The following OTUD7A variants were observed in gnomAD, a reference collection of about 807,000 sequenced individuals.
OTUD7A encodes the protein OTU deubiquitinase 7A, also known as OTU domain-containing protein 7A.
OTUD7A carries 12 observed loss-of-function variants against 65.7 expected under a neutral mutation model. The observed-to-expected ratio is 0.18, with a 90% CI of 0.12 to 0.30. The LOEUF is 0.30. Among genes scored for constraint, OTUD7A ranks in the 10% least tolerant of loss-of-function variants. The pLI is 1.00. For missense variants in OTUD7A, 1,148 were observed against 1,304.8 expected, an observed-to-expected ratio of 0.88 and a Z score of 1.85; for synonymous variants, 641 against 586.3, an observed-to-expected ratio of 1.09 and a Z score of -1.35.
At chr15:31,518,317 C>T (rs1031243182) in intron 8 of OTUD7A, among the ~76,000 whole-genome samples, 17 of 151,924 alleles carry the variant, frequency 1.1e-4, no homozygotes, top group African/African-American at 4.1e-4. Context: ...ACTAAAAATA[C>T]AAAAATTAGC....
chr15:31,749,768 G>A (rs1295505486), intron 1 of OTUD7A, among the ~76,000 whole-genome samples: 2 of 151,622 alleles, frequency 1.3e-5, no homozygotes, highest in African/African-American at 4.8e-5. Context: ...AAAGGAAGTC[G>A]AACTATCTCT....
intron 8 of OTUD7A, among the ~76,000 whole-genome samples, chr15:31,520,761 C>T (rs983608549): frequency 5.3e-5 from 8 of 152,156 alleles, no homozygotes; most frequent in African/African-American, 1.9e-4. Flanking sequence ...AGAACTACCA[C>T]TCAATCCAGC....
chr15:31,606,144 A>C (rs905922247), intron 3 of OTUD7A, among the ~76,000 whole-genome samples: 1 of 152,220 alleles, frequency 6.6e-6, no homozygotes, highest in South Asian at 2.1e-4. Context: ...CTTTGCTTGC[A>C]ATTTTTAGCT....
intron 8 of OTUD7A, among the ~76,000 whole-genome samples, chr15:31,508,818 A>C (rs561021630): frequency 6.6e-6 from 1 of 152,330 alleles, no homozygotes; most frequent in East Asian, 1.9e-4. Context: ...CTTCTGCTCC[A>C]TTTCTGCTTA....
intron 1 of OTUD7A, among the ~76,000 whole-genome samples, chr15:31,753,702 T>TTGATA: frequency 8.9e-5 from 1 of 11,188 alleles, no homozygotes; most frequent in South Asian, 0.013. Flanking sequence ...TATATATATA[T>TTGATA]TATATATATA....
At chr15:31,860,003 G>A (rs187510080) in intron 1 of OTUD7A, among the ~76,000 whole-genome samples, 179 of 152,146 alleles carry the variant, frequency 1.2e-3, no homozygotes, top group African/African-American at 4.0e-3. Context: ...TATCTTAATC[G>A]ATCACATGTC....
chr15:31,492,473 G>A (rs997577630), intron 10 of OTUD7A, among the ~76,000 whole-genome samples: 1 of 151,908 alleles, frequency 6.6e-6, no homozygotes, highest in Non-Finnish European at 1.5e-5. Flanking sequence ...AGCTACTCTG[G>A]AGGCAGAGGC....
At chr15:31,761,474 A>G (rs369952847) in intron 1 of OTUD7A, among the ~76,000 whole-genome samples, 1 of 152,200 alleles carries the variant, frequency 6.6e-6, no homozygotes, top group Non-Finnish European at 1.5e-5. Flanking sequence ...ACAACGAAAT[A>G]TAACTTCACA....
chr15:31,661,777 T>C (rs1892171800), intron 1 of OTUD7A, among the ~76,000 whole-genome samples: 1 of 152,354 alleles, frequency 6.6e-6, no homozygotes, highest in East Asian at 1.9e-4. Flanking sequence ...TGATATCAAA[T>C]GTTGTAAGTT....
chr15:31,503,292 TTTC>T (rs1566886868), intron 9 of OTUD7A, among the ~76,000 whole-genome samples: 1 of 148,172 alleles, frequency 6.7e-6, no homozygotes, highest in Non-Finnish European at 1.5e-5. Flanking sequence ...TCTGTCTTCC[TTTC>T]TTTTTAGTCT....
intron 1 of OTUD7A, among the ~76,000 whole-genome samples, chr15:31,792,763 T>C (rs1478537133): frequency 1.3e-5 from 2 of 152,150 alleles, no homozygotes; most frequent in Admixed American, 1.3e-4. Context: ...CAGTCCTCCA[T>C]TGTGTGTTCA....
chr15:31,514,520 AC>A (rs2041813511), intron 8 of OTUD7A, among the ~76,000 whole-genome samples: 1 of 152,220 alleles, frequency 6.6e-6, no homozygotes, highest in South Asian at 2.1e-4. Context: ...CCTTGAGTTC[AC>A]TGATACCTCC....
At position 31,481,003 on chromosome 15, in the gene OTUD7A, G is replaced by A. The variant is rs770865023; in HGVS notation, c.*2291C>T. 1 of 152,182 alleles carries A rather than the reference G, an allele frequency of 6.6e-6. No individual in the cohort carries two copies. The highest frequency in any genetic ancestry group is 1.5e-5 in the Non-Finnish European group (1 of 68,022). The allele number at this position is 152,182 out of a possible 1,614,324, so 9.4% of individuals were successfully genotyped here. ...TAGGTCCTGGTGTTTTGATAATTAC[G>A]TACTCTGCCTGGTTTGGAAGGTTTT... On this transcript the variant is annotated 3_prime_UTR_variant, in exon 13 of 13. Coordinates refer to ENST00000307050, the MANE Select transcript of OTUD7A (RefSeq NM_001382637.1).
At chr15:31,803,454 C>T (rs1896187616) in intron 1 of OTUD7A, among the ~76,000 whole-genome samples, 2 of 152,144 alleles carry the variant, frequency 1.3e-5, no homozygotes, top group South Asian at 2.1e-4. Context: ...ATATACACCA[C>T]CAACACACCA....
chr15:31,688,129 T>C (rs186731501), intron 1 of OTUD7A, among the ~76,000 whole-genome samples: 194 of 152,020 alleles, frequency 1.3e-3, no homozygotes, highest in Non-Finnish European at 2.0e-3. Context: ...GACAGGAGAA[T>C]TGCTTGAATC....
intron 8 of OTUD7A, among the ~76,000 whole-genome samples, chr15:31,509,064 T>G (rs1270689498): frequency 6.6e-6 from 1 of 152,200 alleles, no homozygotes; most frequent in Non-Finnish European, 1.5e-5. Context: ...AATAAAATTT[T>G]GAAGACATTA....
intron 1 of OTUD7A, among the ~76,000 whole-genome samples, chr15:31,831,177 T>C (rs1330925661): frequency 6.6e-6 from 1 of 152,206 alleles, no homozygotes; most frequent in African/African-American, 2.4e-5. Context: ...CAATGCTCAA[T>C]GTAAAAGCTA....
intron 3 of OTUD7A, among the ~76,000 whole-genome samples, chr15:31,648,931 T>C (rs527560468): frequency 1.2e-3 from 190 of 152,210 alleles, no homozygotes; most frequent in Non-Finnish European, 5.7e-4. Flanking sequence ...CAGCTAATTT[T>C]TGTATTTGTA....
chr15:31,566,990 A>T (rs1282701385), intron 4 of OTUD7A, among the ~76,000 whole-genome samples: 1 of 152,210 alleles, frequency 6.6e-6, no homozygotes, highest in African/African-American at 2.4e-5. Context: ...ATTTCTTCAT[A>T]GCAATGCAAG....
Sources: gnomAD v4.1 joint callset for allele counts (sites outside exome capture counted in the v4.1 genomes callset) on GRCh38, gnomAD v4.1.1 for gene constraint, MANE v1.5 for transcripts, NCBI Gene and HGNC (gene_info 2026-07-23, HGNC 2026-07-21) for gene names.